The following LEMD3 variants were observed in gnomAD, a reference collection of about 807,000 sequenced individuals.
The protein encoded by LEMD3 is LEM domain containing 3, also known as inner nuclear membrane protein Man1.
Under a neutral mutation model 95.2 loss-of-function variants are expected in LEMD3, and 33 were observed. The observed-to-expected ratio is 0.35, with a 90% CI of 0.26 to 0.46. The LOEUF (loss-of-function observed/expected upper bound fraction) is 0.46, where lower values mean the gene tolerates loss of function less well. Ranked by LOEUF, LEMD3 falls within the 20% of genes least tolerant of loss-of-function variation. The pLI is 1.00. For missense variants in LEMD3, 1,210 were observed against 1,192.8 expected (o/e 1.01, Z -0.21); for synonymous variants, 525 against 474.6 (o/e 1.11, Z -1.38).
At chr12:65,192,363 T>C (rs1044801724) in intron 1 of LEMD3, among the ~76,000 whole-genome samples, 1 of 152,188 alleles carries the variant, frequency 6.6e-6, no homozygotes, top group Non-Finnish European at 1.5e-5. Flanking sequence ...TGCATTCATA[T>C]GAATGCCCTA....
At chr12:65,244,269 A>G (rs1033092734) in intron 10 of LEMD3, among the ~76,000 whole-genome samples, 41 of 137,084 alleles carry the variant, frequency 3.0e-4, no homozygotes, top group Non-Finnish European at 4.3e-4. Flanking sequence ...GGGCACGCGC[A>G]CACACACACA....
chr12:65,213,575 G>A (rs931289688), intron 2 of LEMD3, among the ~76,000 whole-genome samples: 2 of 152,110 alleles, frequency 1.3e-5, no homozygotes, highest in Non-Finnish European at 1.5e-5. Flanking sequence ...CTATAGTTGA[G>A]CTTTCTGAGT....
At chr12:65,214,831 C>T (rs1426060372) in intron 2 of LEMD3, among the ~76,000 whole-genome samples, 3 of 152,106 alleles carry the variant, frequency 2.0e-5, no homozygotes, top group African/African-American at 7.2e-5. Context: ...CCCCACCCTA[C>T]CCTCCATCAT....
At chr12:65,221,998 C>T (rs1043685891) in intron 4 of LEMD3, among the ~76,000 whole-genome samples, 2 of 152,064 alleles carry the variant, frequency 1.3e-5, no homozygotes, top group Non-Finnish European at 1.5e-5. Flanking sequence ...CCACCTCGGC[C>T]TCCCAAAGTG....
At chr12:65,232,475 A>T (rs1167876932) in intron 4 of LEMD3, among the ~76,000 whole-genome samples, 1 of 152,174 alleles carries the variant, frequency 6.6e-6, no homozygotes, top group Non-Finnish European at 1.5e-5. Context: ...ATGAGTGAAT[A>T]AGCCTCAGTA....
At chr12:65,229,198 A>G (rs772756066) in intron 4 of LEMD3, among the ~76,000 whole-genome samples, 3 of 152,182 alleles carry the variant, frequency 2.0e-5, no homozygotes, top group Non-Finnish European at 4.4e-5. Context: ...CTTCAAGTGC[A>G]TCGGTGTTGA....
At chr12:65,241,196 C>T in intron 9 of LEMD3, 109 bp downstream of exon 9, 1 of 924,332 alleles carries the variant, frequency 1.1e-6, no homozygotes, top group Non-Finnish European at 1.7e-6. Flanking sequence ...GCAAAACTCT[C>T]TCGTTCTGTT....
In LEMD3 at chr12:65,170,053, C is replaced by G. The variant is rs1018165800; in HGVS notation, c.457C>G (p.Gln153Glu). Reference protein sequence around the residue: ...ESDVEASPRDQAGGGGRKDRA... With the variant: ...ESDVEASPRDEAGGGGRKDRA... ...GGACGTGGAGGCCAGTCCCCGGGACCAGGCCGGCGGCGGCGGGAGGAAAGA... is the reference window on the plus strand; with the variant it reads ...GGACGTGGAGGCCAGTCCCCGGGACGAGGCCGGCGGCGGCGGGAGGAAAGA... Residue 153 changes from glutamine (Q) to glutamate (E), a missense_variant, in exon 1 of 13, where the codon CAG becomes GAG. Gln to Glu is a conservative substitution (Grantham distance 29). Transcript: ENST00000308330. 4.0e-6 allele frequency: 6 copies of G among 1,515,744 alleles called. No homozygotes were observed. Among genetic ancestry groups the G allele is most frequent in the Non-Finnish European group, 5.3e-6 (6 of 1,139,786 alleles). 93.9% of individuals were successfully genotyped at this position (1,515,744 alleles called of 1,614,324 possible). A position where few individuals can be genotyped will look rare whatever the true frequency, so the allele number is the denominator to read the frequency against.
At chr12:65,210,988 T>G (rs548881987) in intron 2 of LEMD3, 25 bp downstream of exon 2, 1 of 1,511,318 alleles carries the variant, frequency 6.6e-7, no homozygotes, top group African/African-American at 1.4e-5. Flanking sequence ...ATAATACTGA[T>G]AATTTTGTGT....
intron 1 of LEMD3, 42 bp downstream of exon 1, chr12:65,171,160 T>G (rs1305907463): frequency 6.2e-7 from 1 of 1,602,504 alleles, no homozygotes; most frequent in East Asian, 2.2e-5. Context: ...AAGAGAATGT[T>G]GTTAGTGGTC....
chr12:65,210,438 A>G (rs755859113), intron 1 of LEMD3, among the ~76,000 whole-genome samples: 2 of 152,154 alleles, frequency 1.3e-5, no homozygotes, highest in Non-Finnish European at 2.9e-5. Context: ...AACAAATGAT[A>G]TAGTCATTAG....
At chr12:65,192,747 A>T (rs1038695903) in intron 1 of LEMD3, among the ~76,000 whole-genome samples, 1 of 152,334 alleles carries the variant, frequency 6.6e-6, no homozygotes. Flanking sequence ...CCAAAAGTGG[A>T]TAACTTAAGT....
chr12:65,175,409 G>C (rs1376776085), intron 1 of LEMD3, among the ~76,000 whole-genome samples: 1 of 151,874 alleles, frequency 6.6e-6, no homozygotes, highest in Non-Finnish European at 1.5e-5. Context: ...CAAACTTTCT[G>C]CCTCTATTTT....
rs1868461162 is a variant in LEMD3 at position 65,169,910 on chromosome 12, G to T, written c.314G>T (p.Gly105Val). 2.1e-6 allele frequency: 3 copies of T among 1,452,742 alleles called. No homozygotes were observed. The highest frequency in any genetic ancestry group is 2.7e-6 in the Non-Finnish European group (3 of 1,105,618). The allele number at this position is 1,452,742 out of a possible 1,614,324, so 90.0% of individuals were successfully genotyped here. A position where few individuals can be genotyped will look rare whatever the true frequency, so the allele number is the denominator to read the frequency against. ...GACCTCTCCTACTTACGGACTCCTGGGGGCCTGTGCCGAATCTCGGCCTCT... is the reference window on the plus strand; with the variant it reads ...GACCTCTCCTACTTACGGACTCCTGTGGGCCTGTGCCGAATCTCGGCCTCT... ...SGDLSYLRTP[G>V]GLCRISASGP... Residue 105 changes from glycine to valine, a missense_variant, in exon 1 of 13, where the codon GGG becomes GTG. Coordinates refer to ENST00000308330, the MANE Select transcript of LEMD3 (RefSeq NM_014319.5).
chr12:65,209,916 CAGTTAGTCTT>C (rs964289728), intron 1 of LEMD3, among the ~76,000 whole-genome samples: 4 of 152,048 alleles, frequency 2.6e-5, no homozygotes, highest in Admixed American at 1.3e-4. Context: ...TTTGTAAGAT[CAGTTAGTCTT>C]AGTTAGTCTT....
chr12:65,236,140 T>C (rs1304260362), intron 4 of LEMD3, among the ~76,000 whole-genome samples: 1 of 152,234 alleles, frequency 6.6e-6, no homozygotes, highest in Non-Finnish European at 1.5e-5. Flanking sequence ...TAATTTCCAA[T>C]GCTGTTGAAG....
At chr12:65,236,953 A>G (rs1870792152) in intron 4 of LEMD3, among the ~76,000 whole-genome samples, 1 of 152,126 alleles carries the variant, frequency 6.6e-6, no homozygotes, top group African/African-American at 2.4e-5. Flanking sequence ...CTACCCACAC[A>G]TAGCAGTTCT....
intron 6 of LEMD3, among the ~76,000 whole-genome samples, chr12:65,239,062 T>G (rs1870856072): frequency 6.6e-6 from 1 of 152,128 alleles, no homozygotes; most frequent in African/African-American, 2.4e-5. Flanking sequence ...GGTCAGTATA[T>G]ACATAGAAAT....
At chr12:65,197,776 C>T (rs1869477546) in intron 1 of LEMD3, among the ~76,000 whole-genome samples, 1 of 151,944 alleles carries the variant, frequency 6.6e-6, no homozygotes, top group South Asian at 2.1e-4. Flanking sequence ...ATGTATAATG[C>T]CCTTTTCCTT....
Sources: allele counts gnomAD v4.1 joint callset (sites outside exome capture counted in the v4.1 genomes callset), GRCh38; gene constraint gnomAD v4.1.1; transcripts MANE v1.5; gene names NCBI Gene and HGNC (gene_info 2026-07-23, HGNC 2026-07-21).